Variants in ADCK5 observed in about 807,000 individuals in gnomAD.
The protein encoded by ADCK5 is aarF domain containing kinase 5.
ADCK5 carries 43 observed loss-of-function variants against 64.9 expected under a neutral mutation model. The observed-to-expected ratio is 0.66, with a 90% CI of 0.52 to 0.85. The LOEUF is 0.85. Ranked by LOEUF, ADCK5 falls within the 40% of genes least tolerant of loss-of-function variation. The pLI is 0.00. For synonymous variants in ADCK5, 434 were observed against 342.8 expected, an observed-to-expected ratio of 1.27 and a Z score of -2.94; for missense variants, 760 against 810.5, an observed-to-expected ratio of 0.94 and a Z score of 0.76.
rs781869759 is a variant in ADCK5 at position 144,392,756 on chromosome 8, G to A, written c.1521-20G>A. ...GGGGCTGGTGTGGGGCTGACGCGGC[G>A]CTAACGCGGGTGTGTGCAGGGCTGT... is the stretch of plus-strand genomic sequence containing the variant. On this transcript the variant is annotated intron_variant, in intron 13 of 14. Coordinates refer to ENST00000308860, the MANE Select transcript of ADCK5 (RefSeq NM_174922.5). 3 of 1,585,514 alleles carry A rather than the reference G, an allele frequency of 1.9e-6. No homozygotes were observed. Among genetic ancestry groups the A allele is most frequent in the South Asian group, 1.1e-5 (1 of 89,334 alleles).
intron 3 of ADCK5, among the ~76,000 whole-genome samples, chr8:144,383,741 G>A (rs1180318856): frequency 2.6e-5 from 4 of 152,204 alleles, no homozygotes; most frequent in African/African-American, 9.7e-5. Flanking sequence ...CTCAGGGGGA[G>A]GGTGAGGACA....
Position 144,392,430 on chromosome 8 carries a change from T to TCCCCC in ADCK5, c.1268-12_1268-11insCCCCC. On this transcript the variant is annotated splice_polypyrimidine_tract_variant and intron_variant, in intron 12 of 14. Coordinates refer to ENST00000308860, the MANE Select transcript of ADCK5 (RefSeq NM_174922.5). Reference sequence around the variant, plus strand: ...ACTCAGAGCCCCCTCCCTCCCTCCCTCCCTCCCTCCCCAGACTACCTCCTG... The same window carrying TCCCCC: ...ACTCAGAGCCCCCTCCCTCCCTCCCTCCCCCCCCTCCCTCCCCAGACTACCTCCTG... The TCCCCC allele has an allele frequency of 1.7e-4, 41 of 237,508 alleles. No individual in the cohort carries two copies. Among genetic ancestry groups the TCCCCC allele is most frequent in the South Asian group, 2.4e-4 (7 of 28,920 alleles). 14.7% of individuals were successfully genotyped at this position (237,508 alleles called of 1,614,324 possible). A position where few individuals can be genotyped will look rare whatever the true frequency, so the allele number is the denominator to read the frequency against.
In ADCK5 at chr8:144,392,651, G is replaced by A. The variant is rs532378678; in HGVS notation, c.1474G>A (p.Val492Met). ...RNINTVRAINVALGAPVDRYF... is the reference protein window; with the variant it reads ...RNINTVRAINMALGAPVDRYF... ...CATCAACACCGTGCGCGCTATCAAC[G>A]TGGCCCTCGGCGCCCCCGTGGACCG... The change falls in exon 13 of 15, where the codon GTG (valine) becomes ATG (methionine). Residue 492 changes from valine to methionine, a missense_variant. Physicochemically the swap from Val to Met is conservative, Grantham distance 21. Transcript: ENST00000308860. 7.4e-5 allele frequency: 118 copies of A among 1,594,646 alleles called. No homozygotes were observed. Among genetic ancestry groups the A allele is most frequent in the Admixed American group, 3.4e-4 (20 of 58,932 alleles).
intron 3 of ADCK5, among the ~76,000 whole-genome samples, chr8:144,388,381 C>A (rs575310962): frequency 9.9e-5 from 15 of 150,756 alleles, no homozygotes; most frequent in Non-Finnish European, 1.0e-4. Flanking sequence ...AATTAAATTC[C>A]TTCTCCCCCA....
chr8:144,393,122 G>T lies in ADCK5; in HGVS notation c.*48G>T. 6.8e-7 allele frequency: 1 copy of T among 1,473,358 alleles called. No individual in the cohort carries two copies. Among genetic ancestry groups the T allele is most frequent in the Non-Finnish European group, 9.0e-7 (1 of 1,109,830 alleles). 91.3% of individuals were successfully genotyped at this position (1,473,358 alleles called of 1,614,324 possible). Reference sequence around the variant, plus strand: ...GGGGCCCTTTTCACCTTGGGCTGACGGAGGTGGCGGGGCTAGAGGTGTAGA... The same window carrying T: ...GGGGCCCTTTTCACCTTGGGCTGACTGAGGTGGCGGGGCTAGAGGTGTAGA... On this transcript the variant is annotated 3_prime_UTR_variant, in exon 15 of 15. Transcript: ENST00000308860.
rs1554861714 is a variant in ADCK5, at chr8:144,393,051, C to T, written c.1720C>T (p.Leu574Phe). The change falls in exon 15 of 15, where the codon CTC (leucine) becomes TTC (phenylalanine). Residue 574 changes from leucine to phenylalanine, a missense_variant. Leu to Phe is a conservative substitution (Grantham distance 22). Coordinates refer to ENST00000308860, the MANE Select transcript of ADCK5 (RefSeq NM_174922.5). ...HLSLVPPAEE[L>F]YQYLET ...GAGCCTCGTGCCCCCAGCGGAGGAGCTCTACCAGTACCTGGAGACCTAGGG... is the reference window on the plus strand; with the variant it reads ...GAGCCTCGTGCCCCCAGCGGAGGAGTTCTACCAGTACCTGGAGACCTAGGG... 6.3e-7 allele frequency: 1 copy of T among 1,585,038 alleles called. No individual in the cohort carries two copies. The highest frequency in any genetic ancestry group is 2.3e-5 in the East Asian group (1 of 43,748).
intron 1 of ADCK5, among the ~76,000 whole-genome samples, chr8:144,378,985 G>A (rs1170810459): frequency 6.6e-6 from 1 of 151,216 alleles, no homozygotes; most frequent in Non-Finnish European, 1.5e-5. Context: ...CCAGGCTGGA[G>A]TGTAGTGGCG....
chr8:144,392,936 A>T, intron 14 of ADCK5, 33 bp from the exon 15 acceptor site: 1 of 1,579,430 alleles, frequency 6.3e-7, no homozygotes. Flanking sequence ...CCTGCTCCCC[A>T]CCCACCTGTG....
chr8:144,375,725 G>A (rs1819335907), intron 1 of ADCK5: 2 of 905,024 alleles, frequency 2.2e-6, no homozygotes. Flanking sequence ...GTTTCCGTTT[G>A]TGCAGACAGA....
rs116048987 is a variant in ADCK5, at chr8:144,379,932, C to T, written c.116+442C>T. Among the ~76,000 whole-genome samples, 1,376 of 152,288 alleles carry T rather than the reference C, an allele frequency of 9.0e-3. 19 individuals are homozygous for T. The highest frequency in any genetic ancestry group is 0.032 in the African/African-American group (1,317 of 41,554). On this transcript the variant is annotated intron_variant, in intron 2 of 14. Coordinates refer to ENST00000308860, the MANE Select transcript of ADCK5 (RefSeq NM_174922.5). ...GTCCGGACCACAGTGCGCAGATGGACGGTGGCAAGGCAGGAAGGCCGTGGA... is the reference window on the plus strand; with the variant it reads ...GTCCGGACCACAGTGCGCAGATGGATGGTGGCAAGGCAGGAAGGCCGTGGA...
chr8:144,375,150 C>A (rs1367310096), intron 1 of ADCK5, among the ~76,000 whole-genome samples: 1 of 152,212 alleles, frequency 6.6e-6, no homozygotes, highest in Non-Finnish European at 1.5e-5. Context: ...ACAAAGTCTT[C>A]CCACGTGCAG....
At chr8:144,377,532 T>G (rs1819414355) in intron 1 of ADCK5, 1 of 152,198 alleles carries the variant, frequency 6.6e-6, no homozygotes, top group Non-Finnish European at 1.5e-5. Flanking sequence ...GTATTTCTAG[T>G]AGAGACAGGG....
intron 3 of ADCK5, chr8:144,389,390 C>T: frequency 2.2e-6 from 1 of 456,110 alleles, no homozygotes; most frequent in Non-Finnish European, 4.4e-6. Context: ...CCCTTGCTGC[C>T]ATCCTTTACC....
Position 144,393,084 on chromosome 8 carries a change from GC to G in ADCK5, c.*13del. ...GTACCTGGAGACCTAGGGTGCAGCC[GC>G]CCAGGGCCGGCGGGGCCCTTTTCAC... On this transcript the variant is annotated 3_prime_UTR_variant, in exon 15 of 15. Transcript: ENST00000308860. 2 of 1,552,422 alleles carry G rather than the reference GC, an allele frequency of 1.3e-6. No individual in the cohort carries two copies. Among genetic ancestry groups the G allele is most frequent in the East Asian group, 2.4e-5 (1 of 42,306 alleles).
chr8:144,390,850 G>C lies in ADCK5; in HGVS notation c.343-6G>C, dbSNP rs782030500. On this transcript the variant is annotated splice_polypyrimidine_tract_variant and splice_region_variant and intron_variant, in intron 4 of 14. Transcript: ENST00000308860. The stretch of plus-strand genomic sequence containing the variant: ...CCCCATGTGTTCTCCCCATGCCTGT[G>C]GTCAGAACAGCCCAGGCTACTTGGA... 5 of 1,612,540 alleles carry C rather than the reference G, an allele frequency of 3.1e-6. No homozygotes were observed. Among genetic ancestry groups the C allele is most frequent in the Non-Finnish European group, 4.2e-6 (5 of 1,179,488 alleles).
chr8:144,374,167 G>A (rs923387638), intron 1 of ADCK5, 60 bp downstream of exon 1: 3 of 1,243,146 alleles, frequency 2.4e-6, no homozygotes, highest in Non-Finnish European at 3.0e-6. Context: ...AGAGACCCGA[G>A]ACCCGCAAGT....
At chr8:144,379,613 A>G in intron 2 of ADCK5, 123 bp downstream of exon 2, 1 of 808,148 alleles carries the variant, frequency 1.2e-6, no homozygotes, top group Non-Finnish European at 1.9e-6. Flanking sequence ...CAACCAAGGC[A>G]GGATATGTTT....
At position 144,391,766 on chromosome 8, in the gene ADCK5, C is replaced by G. The variant is rs369711044; in HGVS notation, c.931-17C>G. On this transcript the variant is annotated splice_polypyrimidine_tract_variant and intron_variant, in intron 8 of 14. Transcript: ENST00000308860. ...ACAGCGCTGGGCCTGCTGAGCCCAG[C>G]CTCTTGCTCTCCCCAGCGCGTGCTC... 1 of 1,541,870 alleles carries G rather than the reference C, an allele frequency of 6.5e-7. No homozygotes were observed. The highest frequency in any genetic ancestry group is 1.4e-5 in the African/African-American group (1 of 73,514).
chr8:144,393,113 T>C lies in ADCK5; in HGVS notation c.*39T>C, dbSNP rs1001364441. The C allele has an allele frequency of 9.4e-6, 14 of 1,491,768 alleles. No homozygotes were observed. The highest frequency in any genetic ancestry group is 9.0e-5 in the South Asian group (7 of 77,576). 92.4% of individuals were successfully genotyped at this position (1,491,768 alleles called of 1,614,324 possible). The stretch of plus-strand genomic sequence containing the variant: ...AGGGCCGGCGGGGCCCTTTTCACCT[T>C]GGGCTGACGGAGGTGGCGGGGCTAG... On this transcript the variant is annotated 3_prime_UTR_variant, in exon 15 of 15. Transcript: ENST00000308860.
Sources: gnomAD v4.1 joint callset for allele counts (sites outside exome capture counted in the v4.1 genomes callset) on GRCh38, gnomAD v4.1.1 for gene constraint, MANE v1.5 for transcripts, NCBI Gene and HGNC (gene_info 2026-07-23, HGNC 2026-07-21) for gene names.